RANBP2: variants seen among roughly 807,000 people sequenced by gnomAD.
The protein encoded by RANBP2 is RAN binding protein 2, also known as E3 SUMO-protein ligase RanBP2.
In RANBP2, 57 loss-of-function variants were observed where a neutral mutation model predicts 303.6. That is an observed-to-expected ratio of 0.19 (90% CI 0.15 to 0.23). The LOEUF is 0.23. Among genes scored for constraint, RANBP2 ranks in the 10% least tolerant of loss-of-function variants. RANBP2 has a pLI of 1.00. For missense variants in RANBP2, 3,138 were observed against 3,780.8 expected, an observed-to-expected ratio of 0.83 and a Z score of 4.46; for synonymous variants, 1,167 against 1,301.5, an observed-to-expected ratio of 0.90 and a Z score of 2.23.
chr2:108,783,934 A>T lies in RANBP2; in HGVS notation c.*33A>T. 1 of 1,564,270 alleles carries T rather than the reference A, an allele frequency of 6.4e-7. No homozygotes were observed. Among genetic ancestry groups the T allele is most frequent in the African/African-American group, 1.4e-5 (1 of 73,930 alleles). ...GTTGTTCATAGAAAATTTCATCTGT[A>T]TAAGCAGTTGGATTGAAGCTTAGCT... On this transcript the variant is annotated 3_prime_UTR_variant, in exon 29 of 29. Transcript: ENST00000283195.
chr2:108,791,680 A>T, the RANBP2 span: 1 of 1,605,716 alleles, frequency 6.2e-7, no homozygotes, highest in Non-Finnish European at 8.5e-7. Context: ...TAAAGCCTAG[A>T]TGATGAACTG....
chr2:109,071,385 C>T, the RANBP2 span, among the ~76,000 whole-genome samples: 1 of 152,140 alleles, frequency 6.6e-6, no homozygotes, highest in African/African-American at 2.4e-5. Context: ...TAGACATCTG[C>T]ATAGAGGGCC....
the RANBP2 span, chr2:108,931,141 G>A: frequency 0.016 from 13,497 of 861,108 alleles, 163 homozygotes; most frequent in Non-Finnish European, 0.02. Flanking sequence ...GCAAACAGAG[G>A]GGAAACTATA....
At chr2:109,598,548 A>C in the RANBP2 span, among the ~76,000 whole-genome samples, 1 of 151,962 alleles carries the variant, frequency 6.6e-6, no homozygotes. Context: ...GGCCTAAATA[A>C]TTATCATCGG....
the RANBP2 span, among the ~76,000 whole-genome samples, chr2:109,251,102 A>G: frequency 6.6e-6 from 1 of 152,020 alleles, no homozygotes; most frequent in East Asian, 1.9e-4. Flanking sequence ...CCTAGGTTCA[A>G]GTGATTCCCC....
the RANBP2 span, among the ~76,000 whole-genome samples, chr2:109,522,603 C>CT: frequency 0.7 from 104,247 of 149,656 alleles, 39,008 homozygotes; most frequent in Middle Eastern, 0.89. Context: ...CGTGCCCAGC[C>CT]TTTTTTTTTC....
the RANBP2 span, among the ~76,000 whole-genome samples, chr2:109,047,814 CA>C: frequency 6.6e-6 from 1 of 152,020 alleles, no homozygotes; most frequent in Non-Finnish European, 1.5e-5. Context: ...ATCTCAAAAA[CA>C]AAAAAACAAA....
the RANBP2 span, among the ~76,000 whole-genome samples, chr2:109,173,912 C>T: frequency 6.6e-6 from 1 of 152,180 alleles, no homozygotes; most frequent in Non-Finnish European, 1.5e-5. Context: ...ATGTGAAATC[C>T]GGTGTGGGCC....
the RANBP2 span, among the ~76,000 whole-genome samples, chr2:109,717,838 C>T: frequency 1.1e-4 from 16 of 151,678 alleles, no homozygotes; most frequent in African/African-American, 3.9e-4. Flanking sequence ...CGCTTGAACC[C>T]GGGAGGCAGA....
the RANBP2 span, among the ~76,000 whole-genome samples, chr2:109,684,044 C>T: frequency 6.6e-6 from 1 of 151,618 alleles, no homozygotes; most frequent in South Asian, 2.1e-4. Context: ...CAGGCTCAAG[C>T]GATTCTCCTG....
chr2:109,269,337 G>A, the RANBP2 span, among the ~76,000 whole-genome samples: 861 of 152,278 alleles, frequency 5.7e-3, 10 homozygotes, highest in African/African-American at 0.02. Flanking sequence ...CCTTCCCCCC[G>A]GGAGAACAGA....
chr2:109,458,227 C>T, the RANBP2 span, among the ~76,000 whole-genome samples: 2 of 152,164 alleles, frequency 1.3e-5, no homozygotes, highest in South Asian at 4.1e-4. Flanking sequence ...TTATAGGACA[C>T]ATTTGTATAT....
intron 2 of RANBP2, 118 bp from the exon 3 acceptor site, chr2:108,730,654 GTT>G (rs1695093471): frequency 7.4e-7 from 1 of 1,356,400 alleles, no homozygotes; most frequent in African/African-American, 1.5e-5. Context: ...AATAGCGGTA[GTT>G]TTGAGTAACA....
At chr2:108,933,955 T>C in the RANBP2 span, among the ~76,000 whole-genome samples, 1 of 152,118 alleles carries the variant, frequency 6.6e-6, no homozygotes. Flanking sequence ...GGCCAGAGGC[T>C]CTCAGCAGGG....
the RANBP2 span, among the ~76,000 whole-genome samples, chr2:108,850,088 T>G: frequency 6.6e-6 from 1 of 152,254 alleles, no homozygotes; most frequent in Non-Finnish European, 1.5e-5. Context: ...TCGGAACTAC[T>G]GTCAGACACT....
At chr2:109,026,213 G>A in the RANBP2 span, among the ~76,000 whole-genome samples, 2 of 151,630 alleles carry the variant, frequency 1.3e-5, no homozygotes, top group African/African-American at 4.8e-5. Context: ...ATGATTGTAG[G>A]TCACCTGAGC....
the RANBP2 span, among the ~76,000 whole-genome samples, chr2:109,519,444 C>T: frequency 6.6e-6 from 1 of 152,144 alleles, no homozygotes; most frequent in South Asian, 2.1e-4. Context: ...GTGATTTGCC[C>T]AAACTTGTAG....
At chr2:109,490,486 G>GA in the RANBP2 span, 1 of 927,172 alleles carries the variant, frequency 1.1e-6, no homozygotes, top group Non-Finnish European at 1.5e-6. Context: ...TCTTTTGTCT[G>GA]AAAAAATAAG....
chr2:109,615,062 C>G, the RANBP2 span: 3 of 1,549,208 alleles, frequency 1.9e-6, no homozygotes, highest in African/African-American at 4.1e-5. Context: ...GGGGCAGCTC[C>G]CTTGTGGGGG....
Sources: allele counts gnomAD v4.1 joint callset (sites outside exome capture counted in the v4.1 genomes callset), GRCh38; gene constraint gnomAD v4.1.1; transcripts MANE v1.5; gene names NCBI Gene and HGNC (gene_info 2026-07-23, HGNC 2026-07-21).